Variants in NINL observed in about 807,000 individuals in gnomAD.
NINL encodes ninein-like protein.
Under a neutral mutation model 160.3 loss-of-function variants are expected in NINL, and 153 were observed. The ratio of observed to expected loss-of-function variants is 0.95; its 90% confidence interval spans 0.84 to 1.09. The LOEUF is 1.09. NINL is among the 50% of genes least tolerant of loss of function. NINL has a pLI of 0.00. For missense variants in NINL, 1,829 were observed against 1,764.0 expected, an observed-to-expected ratio of 1.04 and a Z score of -0.66; for synonymous variants, 800 against 734.8, an observed-to-expected ratio of 1.09 and a Z score of -1.43.
chr20:25,561,020 C>T (rs1418392573), intron 1 of NINL, among the ~76,000 whole-genome samples: 1 of 77,636 alleles, frequency 1.3e-5, no homozygotes, highest in Non-Finnish European at 3.0e-5. Flanking sequence ...TCCACGGTCT[C>T]CCTCTCCCTC....
intron 23 of NINL, among the ~76,000 whole-genome samples, chr20:25,454,823 T>C (rs967900644): frequency 9.9e-5 from 15 of 152,108 alleles, no homozygotes; most frequent in Non-Finnish European, 1.9e-4. Flanking sequence ...ACCAGGTGAG[T>C]TATGGCACCT....
At chr20:25,550,960 A>G (rs944722893) in intron 1 of NINL, among the ~76,000 whole-genome samples, 2 of 152,082 alleles carry the variant, frequency 1.3e-5, no homozygotes, top group Non-Finnish European at 2.9e-5. Context: ...CCACGAGGCC[A>G]TATCTCAGGC....
intron 20 of NINL, among the ~76,000 whole-genome samples, chr20:25,462,100 G>A (rs1001048354): frequency 6.6e-6 from 1 of 152,230 alleles, no homozygotes; most frequent in Non-Finnish European, 1.5e-5. Flanking sequence ...GTCAAGGCAT[G>A]TGGACTTTCT....
At chr20:25,551,386 A>G (rs966090471) in intron 1 of NINL, among the ~76,000 whole-genome samples, 1 of 152,186 alleles carries the variant, frequency 6.6e-6, no homozygotes, top group East Asian at 1.9e-4. Flanking sequence ...AATAAATAAA[A>G]AAAAAAAGAA....
intron 12 of NINL, among the ~76,000 whole-genome samples, chr20:25,489,627 C>A (rs895522811): frequency 3.9e-5 from 6 of 152,266 alleles, no homozygotes; most frequent in Middle Eastern, 6.8e-3. Context: ...GCCCTGCCCT[C>A]CCTCCACGCC....
chr20:25,472,429 C>T (rs770762656), intron 17 of NINL, among the ~76,000 whole-genome samples: 8 of 146,384 alleles, frequency 5.5e-5, no homozygotes, highest in Non-Finnish European at 9.0e-5. Flanking sequence ...TGCAATGGCG[C>T]GATCTTGGCT....
chr20:25,453,878 A>G (rs1176927269), intron 23 of NINL, among the ~76,000 whole-genome samples: 12 of 151,926 alleles, frequency 7.9e-5, no homozygotes, highest in Non-Finnish European at 1.5e-4. Flanking sequence ...GTGAAACCCC[A>G]TCTCTACTAA....
intron 3 of NINL, among the ~76,000 whole-genome samples, chr20:25,515,748 A>G (rs987010310): frequency 6.8e-6 from 1 of 147,154 alleles, no homozygotes; most frequent in Non-Finnish European, 1.5e-5. Flanking sequence ...AGATCTGGTT[A>G]TTTTTTTATT....
chr20:25,505,990 G>A (rs1179412809), intron 5 of NINL, among the ~76,000 whole-genome samples: 1 of 152,252 alleles, frequency 6.6e-6, no homozygotes, highest in Non-Finnish European at 1.5e-5. Context: ...GGGGCTGGGC[G>A]CGGTGGCTTA....
At position 25,489,289 on chromosome 20, in the gene NINL, C is replaced by A; in HGVS notation, c.1632G>T (p.Glu544Asp). ...CCTTCAGGACTGCTGCGAACCGCTC[C>A]TCCTGGGCCAGGAGCTCTGCACTCT... Reference protein sequence around the residue: ...EPQSAELLAQEERFAAVLKEY... With the variant: ...EPQSAELLAQDERFAAVLKEY... The change falls in exon 13 of 24, where the codon GAG becomes GAT. Residue 544 changes from glutamate (E) to aspartate (D), a missense_variant. Transcript: ENST00000278886. The A allele has an allele frequency of 6.2e-7, 1 of 1,614,146 alleles. No individual in the cohort carries two copies. The highest frequency in any genetic ancestry group is 8.5e-7 in the Non-Finnish European group (1 of 1,180,024).
At position 25,461,555 on chromosome 20, in the gene NINL, C is replaced by T. The variant is rs1340156107; in HGVS notation, c.3663G>A (p.Glu1221=). The change falls in exon 21 of 24, where the codon GAG becomes GAA. Residue 1221 remains glutamate, a synonymous_variant. Transcript: ENST00000278886. ...GACTTTCCTCAAGGGTCTGGGTCAG[C>T]TCTGACCATGGCAGCTGCAGGCTCT... ...EHQSLQLPWS[E]LTQTLEESQD... The T allele has an allele frequency of 1.2e-6, 2 of 1,602,158 alleles. No individual in the cohort carries two copies. The highest frequency in any genetic ancestry group is 1.7e-6 in the Non-Finnish European group (2 of 1,175,498).
intron 22 of NINL, among the ~76,000 whole-genome samples, chr20:25,456,029 G>C (rs985860077): frequency 2.0e-5 from 3 of 151,846 alleles, no homozygotes; most frequent in Non-Finnish European, 4.4e-5. Flanking sequence ...CCAGGAGGTG[G>C]AGGTTGCAGT....
chr20:25,528,987 A>G (rs766975978), intron 1 of NINL, among the ~76,000 whole-genome samples: 1 of 152,208 alleles, frequency 6.6e-6, no homozygotes, highest in Non-Finnish European at 1.5e-5. Flanking sequence ...CATCATCCAC[A>G]CAGGGTACGG....
chr20:25,576,228 T>C (rs113401800), intron 1 of NINL, among the ~76,000 whole-genome samples: 1 of 152,120 alleles, frequency 6.6e-6, no homozygotes, highest in Non-Finnish European at 1.5e-5. Flanking sequence ...GTCTTTGGAG[T>C]AGACACAGGC....
chr20:25,570,622 C>A (rs2065042736), intron 1 of NINL, among the ~76,000 whole-genome samples: 1 of 149,508 alleles, frequency 6.7e-6, no homozygotes, highest in African/African-American at 2.5e-5. Context: ...TATAGCAGTG[C>A]GAGAACGAAC....
chr20:25,498,904 A>T, intron 8 of NINL: 4 of 984,766 alleles, frequency 4.1e-6, no homozygotes, highest in Non-Finnish European at 4.8e-6. Flanking sequence ...AGCACAGAAC[A>T]GCCGGCATTT....
At chr20:25,552,488 T>C (rs762596900) in intron 1 of NINL, among the ~76,000 whole-genome samples, 4 of 152,232 alleles carry the variant, frequency 2.6e-5, no homozygotes, top group Non-Finnish European at 5.9e-5. Context: ...TCCTCTGGAT[T>C]TGTAAGGCCA....
At chr20:25,568,556 G>A (rs944321795) in intron 1 of NINL, among the ~76,000 whole-genome samples, 2 of 151,744 alleles carry the variant, frequency 1.3e-5, no homozygotes, top group Admixed American at 6.6e-5. Context: ...CTACAGGCAC[G>A]TGCCACCATG....
At chr20:25,533,345 A>G (rs2064500495) in intron 1 of NINL, among the ~76,000 whole-genome samples, 1 of 152,156 alleles carries the variant, frequency 6.6e-6, no homozygotes, top group African/African-American at 2.4e-5. Flanking sequence ...GAGGAAAGCC[A>G]TTTCAGCCAG....
Sources: allele counts gnomAD v4.1 joint callset (sites outside exome capture counted in the v4.1 genomes callset), GRCh38; gene constraint gnomAD v4.1.1; transcripts MANE v1.5; gene names NCBI Gene and HGNC (gene_info 2026-07-23, HGNC 2026-07-21).